SLC7A2: variants seen among roughly 807,000 people sequenced by gnomAD.
The protein encoded by SLC7A2 is cationic amino acid transporter 2.
Under a neutral mutation model 58.9 loss-of-function variants are expected in SLC7A2, and 48 were observed. That is an observed-to-expected ratio of 0.82 (90% CI 0.65 to 1.04). The LOEUF (loss-of-function observed/expected upper bound fraction) is 1.04, where lower values mean the gene tolerates loss of function less well. Ranked by LOEUF, SLC7A2 falls within the 50% of genes least tolerant of loss-of-function variation. The probability of loss-of-function intolerance (pLI) is 0.00; values close to 1 mark genes in which losing one functional copy is unlikely to be tolerated. For synonymous variants in SLC7A2, 363 were observed against 314.5 expected (o/e 1.15, Z -1.63); for missense variants, 1,029 against 818.8 (o/e 1.26, Z -3.13).
At chr8:17,562,867 G>A (rs1201778051) in intron 11 of SLC7A2, among the ~76,000 whole-genome samples, 6 of 152,156 alleles carry the variant, frequency 3.9e-5, no homozygotes, top group Non-Finnish European at 7.4e-5. Flanking sequence ...TGGGCTGGGT[G>A]TGGTGCCTCA....
Position 17,562,118 on chromosome 8 carries a change from T to A in SLC7A2, c.1671+8T>A. ...CAAAAAGTAGCCTTCATGGTATGTG[T>A]AATGAGGATTAGAGACCCAAAATAC... is the stretch of plus-strand genomic sequence containing the variant. On this transcript the variant is annotated splice_region_variant and intron_variant, in intron 11 of 12. Coordinates refer to ENST00000494857, the MANE Select transcript of SLC7A2 (RefSeq NM_001370338.1). The A allele has an allele frequency of 6.2e-7, 1 of 1,609,918 alleles. No individual in the cohort carries two copies. The highest frequency in any genetic ancestry group is 8.5e-7 in the Non-Finnish European group (1 of 1,178,312).
rs1185018428 is a variant in SLC7A2, at chr8:17,565,031, A to G, written c.1862A>G (p.Tyr621Cys). Residue 621 changes from tyrosine (Y) to cysteine (C), a missense_variant, in exon 13 of 13, where the codon TAT becomes TGT. Tyr to Cys is a radical substitution (Grantham distance 194, BLOSUM62 -2). Transcript: ENST00000494857. ...LRDENNEEDA[Y>C]PDNVHAAAEE... is the part of the protein sequence containing the mutation. ...GATGAAAACAATGAAGAAGATGCTT[A>G]TCCAGACAACGTTCATGCAGCAGCA... The G allele has an allele frequency of 1.2e-6, 2 of 1,613,872 alleles. No homozygotes were observed. The highest frequency in any genetic ancestry group is 2.2e-5 in the East Asian group (1 of 44,880).
At chr8:17,496,548 C>G (rs551275653), upstream of SLC7A2, among the ~76,000 whole-genome samples, 1 of 152,268 alleles carries the variant, frequency 6.6e-6, no homozygotes, top group South Asian at 2.1e-4. Flanking sequence ...TAAACCCACC[C>G]CCAAACAATC....
chr8:17,535,794 T>G (rs183299298), intron 2 of SLC7A2, among the ~76,000 whole-genome samples: 1 of 151,862 alleles, frequency 6.6e-6, no homozygotes, highest in Non-Finnish European at 1.5e-5. Context: ...TCACAGATAC[T>G]TGGGAAGCTG....
Position 17,506,816 on chromosome 8 carries a change from T to A in SLC7A2, c.-23+4514T>A, listed in dbSNP as rs569499453. The stretch of plus-strand genomic sequence containing the variant: ...GCCTGTCTGGAGTGCAGTGGCGCAA[T>A]CTCGGCTCATGTGAGGTTAGACAGC... On this transcript the variant is annotated intron_variant, in intron 2 of 12. Coordinates refer to ENST00000494857, the MANE Select transcript of SLC7A2 (RefSeq NM_001370338.1). Among the ~76,000 whole-genome samples, 3 of 151,096 alleles carry A rather than the reference T, an allele frequency of 2.0e-5. No homozygotes were observed. The East Asian group carries it at 5.8e-4, about 29-fold the overall frequency.
At chr8:17,495,809 C>T (rs548840370), upstream of SLC7A2, among the ~76,000 whole-genome samples, 10 of 152,322 alleles carry the variant, frequency 6.6e-5, no homozygotes, top group Non-Finnish European at 4.4e-5. Flanking sequence ...CTCGGCGTCC[C>T]AAAGTGCTGG....
At chr8:17,537,554 T>C (rs1461818249) in intron 2 of SLC7A2, among the ~76,000 whole-genome samples, 1 of 152,188 alleles carries the variant, frequency 6.6e-6, no homozygotes, top group East Asian at 1.9e-4. Flanking sequence ...CCAGTGATCC[T>C]TGGCTTCGGG....
intron 7 of SLC7A2, 61 bp from the exon 8 acceptor site, chr8:17,554,499 G>A (rs952454470): frequency 4.2e-5 from 57 of 1,364,772 alleles, no homozygotes; most frequent in Middle Eastern, 1.9e-4. Context: ...TTTTATTTCC[G>A]TTCGGGGATG....
intron 8 of SLC7A2, among the ~76,000 whole-genome samples, chr8:17,555,759 T>A (rs962477792): frequency 2.0e-5 from 3 of 152,174 alleles, no homozygotes; most frequent in African/African-American, 7.2e-5. Context: ...ATTGCTAGTC[T>A]TTTGGCACAT....
In SLC7A2 at chr8:17,558,352, C is replaced by T; in HGVS notation, c.1253C>T (p.Thr418Ile). 1.2e-6 allele frequency: 2 copies of T among 1,613,472 alleles called. No homozygotes were observed. Among genetic ancestry groups the T allele is most frequent in the Non-Finnish European group, 8.5e-7 (1 of 1,179,752 alleles). The change falls in exon 9 of 13, where the codon ACA becomes ATA. Residue 418 changes from threonine to isoleucine, a missense_variant. By Grantham distance (89) the Thr-to-Ile change is moderately conservative. Coordinates refer to ENST00000494857, the MANE Select transcript of SLC7A2 (RefSeq NM_001370338.1). ...CTTGTGGACATGATGTCCATTGGCA[C>T]ACTCATGGCCTACTCTCTGGTGGCA... ...KALVDMMSIG[T>I]LMAYSLVAAC...
At position 17,568,075 on chromosome 8, in the gene SLC7A2, A is replaced by G. The variant is rs1296745289; in HGVS notation, c.*2929A>G. ...ATGTTTTGTAGAGTTTTGACTAGTA[A>G]TCAATCAAAATTATATAAAGTCTTC... is the stretch of plus-strand genomic sequence containing the variant. On this transcript the variant is annotated 3_prime_UTR_variant, in exon 13 of 13. Coordinates refer to ENST00000494857, the MANE Select transcript of SLC7A2 (RefSeq NM_001370338.1). 1 of 152,110 alleles carries G rather than the reference A, an allele frequency of 6.6e-6. No homozygotes were observed. The highest frequency in any genetic ancestry group is 1.5e-5 in the Non-Finnish European group (1 of 68,032). 9.4% of individuals were successfully genotyped at this position (152,110 alleles called of 1,614,324 possible). A position where few individuals can be genotyped will look rare whatever the true frequency, so the allele number is the denominator to read the frequency against.
chr8:17,570,561 T>C lies in SLC7A2; in HGVS notation c.*5415T>C, dbSNP rs1803458209. Reference sequence around the variant, plus strand: ...TATTTTTAAAATAAATTTTAATATGTAATAATATAGAATGCAGATGTTACC... The same window carrying C: ...TATTTTTAAAATAAATTTTAATATGCAATAATATAGAATGCAGATGTTACC... On this transcript the variant is annotated 3_prime_UTR_variant, in exon 13 of 13. Transcript: ENST00000494857. The C allele has an allele frequency of 6.6e-6, 1 of 152,612 alleles. No individual in the cohort carries two copies. Among genetic ancestry groups the C allele is most frequent in the South Asian group, 2.1e-4 (1 of 4,834 alleles). The allele number at this position is 152,612 out of a possible 1,614,324, so 9.5% of individuals were successfully genotyped here. A position where few individuals can be genotyped will look rare whatever the true frequency, so the allele number is the denominator to read the frequency against.
rs139113545 is a variant in SLC7A2 at position 17,543,385 on chromosome 8, C to T, written c.46C>T (p.Arg16Trp). The T allele has an allele frequency of 6.0e-5, 97 of 1,614,072 alleles. No homozygotes were observed. In the African/African-American group the frequency reaches 7.3e-4, roughly 12 times the overall value. Residue 16 changes from arginine to tryptophan, a missense_variant, in exon 3 of 13, where the codon CGG (arginine) becomes TGG (tryptophan). Arg to Trp is a moderately radical substitution (Grantham distance 101). Coordinates refer to ENST00000494857, the MANE Select transcript of SLC7A2 (RefSeq NM_001370338.1). The part of the protein sequence containing the change: ...AALTFARCLI[R>W]RKIVTLDSLE... ...GCTGACCTTTGCCCGATGTCTGATC[C>T]GGAGAAAAATCGTGACCCTGGACAG...
intron 2 of SLC7A2, among the ~76,000 whole-genome samples, chr8:17,542,906 G>A (rs1015241779): frequency 3.9e-5 from 6 of 152,152 alleles, no homozygotes; most frequent in Admixed American, 6.5e-5. Context: ...AGGCTGCAGT[G>A]AGCCAAGATT....
At chr8:17,537,690 T>C (rs1372766278) in intron 2 of SLC7A2, among the ~76,000 whole-genome samples, 2 of 152,080 alleles carry the variant, frequency 1.3e-5, no homozygotes, top group African/African-American at 4.8e-5. Flanking sequence ...TCCTAGCAGC[T>C]TGGGGAGAGG....
chr8:17,546,503 C>T (rs567495187), intron 4 of SLC7A2, among the ~76,000 whole-genome samples: 4 of 152,216 alleles, frequency 2.6e-5, no homozygotes, highest in Non-Finnish European at 2.9e-5. Context: ...TCTAATCTTC[C>T]GGTGGGAGAT....
chr8:17,544,341 T>G (rs1802062389), intron 3 of SLC7A2, 110 bp from the exon 4 acceptor site: 1 of 886,732 alleles, frequency 1.1e-6, no homozygotes, highest in East Asian at 2.4e-5. Flanking sequence ...TATATGTGAT[T>G]AAAATTTTCA....
intron 11 of SLC7A2, 70 bp downstream of exon 11, chr8:17,562,180 A>T (rs74329908): frequency 6.4e-5 from 38 of 594,364 alleles, no homozygotes; most frequent in South Asian, 3.0e-4. Context: ...TTTGGTAAGT[A>T]TTTTTTTTTT....
chr8:17,497,847 A>T (rs993636923), intron 1 of SLC7A2, among the ~76,000 whole-genome samples: 3 of 152,058 alleles, frequency 2.0e-5, no homozygotes, highest in African/African-American at 7.2e-5. Flanking sequence ...TCCGTTTGAG[A>T]TGGGCTGTAT....
Sources: gnomAD v4.1 joint callset for allele counts (sites outside exome capture counted in the v4.1 genomes callset) on GRCh38, gnomAD v4.1.1 for gene constraint, MANE v1.5 for transcripts, NCBI Gene and HGNC (gene_info 2026-07-23, HGNC 2026-07-21) for gene names.